RAB3B: variants seen among roughly 807,000 people sequenced by gnomAD.
RAB3B encodes ras-related protein Rab-3B.
RAB3B carries 11 observed loss-of-function variants against 20.5 expected under a neutral mutation model. The ratio of observed to expected loss-of-function variants is 0.54; its 90% CI spans 0.34 to 0.89. The LOEUF (loss-of-function observed/expected upper bound fraction) is 0.89. RAB3B is among the 40% of genes least tolerant of loss of function. The pLI, the probability that RAB3B is intolerant of heterozygous loss-of-function variation, is 0.02. For missense variants in RAB3B, 225 were observed against 280.9 expected (o/e 0.80, Z 1.42); for synonymous variants, 99 against 106.3 (o/e 0.93, Z 0.42).
At chr1:51,944,185 CT>C (rs377413670) in intron 2 of RAB3B, among the ~76,000 whole-genome samples, 103 of 152,312 alleles carry the variant, frequency 6.8e-4, no homozygotes, top group Middle Eastern at 6.8e-3. Context: ...TAAATCTACC[CT>C]GCCTGTGCTC....
At chr1:51,936,838 G>A (rs1684411062) in intron 3 of RAB3B, among the ~76,000 whole-genome samples, 1 of 150,168 alleles carries the variant, frequency 6.7e-6, no homozygotes, top group Non-Finnish European at 1.5e-5. Flanking sequence ...TTTTAAGATA[G>A]AGTCTCACTC....
intron 2 of RAB3B, among the ~76,000 whole-genome samples, chr1:51,972,709 G>A (rs1571977746): frequency 6.6e-6 from 1 of 152,128 alleles, no homozygotes; most frequent in Non-Finnish European, 1.5e-5. Context: ...CACAGAGTGG[G>A]AAGGCAGCCC....
At chr1:51,930,446 A>C (rs1334928762) in intron 4 of RAB3B, among the ~76,000 whole-genome samples, 1 of 152,234 alleles carries the variant, frequency 6.6e-6, no homozygotes, top group East Asian at 1.9e-4. Flanking sequence ...TTAGGAGCAC[A>C]GGCTCTGGGA....
intron 2 of RAB3B, 62 bp downstream of exon 2, chr1:51,976,828 C>A (rs1685015378): frequency 2.0e-6 from 3 of 1,465,286 alleles, no homozygotes; most frequent in Non-Finnish European, 2.9e-6. Flanking sequence ...CACCTCTAAG[C>A]CCTTGTACTG....
At chr1:51,967,521 C>CTTTTTGTTTTTTTTTTTT (rs1684870854) in intron 2 of RAB3B, among the ~76,000 whole-genome samples, 1 of 36,496 alleles carries the variant, frequency 2.7e-5, no homozygotes, top group Non-Finnish European at 5.7e-5. Flanking sequence ...TTTTCTTTTT[C>CTTTTTGTTTTTTTTTTTT]TTTTTTTTTT....
intron 1 of RAB3B, among the ~76,000 whole-genome samples, chr1:51,980,028 C>T (rs917186473): frequency 1.5e-4 from 23 of 151,838 alleles, no homozygotes; most frequent in Admixed American, 2.6e-4. Context: ...CGCGACAGAG[C>T]GAGACTCCAC....
At chr1:51,989,208 T>TTTTGTGTGTGTGTG (rs1318914367) in intron 1 of RAB3B, among the ~76,000 whole-genome samples, 1 of 99,822 alleles carries the variant, frequency 1.0e-5, no homozygotes, top group African/African-American at 4.3e-5. Flanking sequence ...CCATCTTGTT[T>TTTTGTGTGTGTGTG]TGTGTGTGTG....
At chr1:51,947,806 T>C (rs1475588122) in intron 2 of RAB3B, among the ~76,000 whole-genome samples, 1 of 152,102 alleles carries the variant, frequency 6.6e-6, no homozygotes, top group African/African-American at 2.4e-5. Flanking sequence ...AAGGAAACCT[T>C]AGAAGTCATT....
rs1009951302 is a variant in RAB3B at position 51,916,008 on chromosome 1, T to A, written c.*3919A>T. 4 of 152,270 alleles carry A rather than the reference T, an allele frequency of 2.6e-5. No individual in the cohort carries two copies. Among genetic ancestry groups the A allele is most frequent in the African/African-American group, 9.6e-5 (4 of 41,468 alleles). 9.4% of individuals were successfully genotyped at this position (152,270 alleles called of 1,614,324 possible). A position where few individuals can be genotyped will look rare whatever the true frequency, so the allele number is the denominator to read the frequency against. On this transcript the variant is annotated 3_prime_UTR_variant, in exon 5 of 5. Coordinates refer to ENST00000371655, the MANE Select transcript of RAB3B (RefSeq NM_002867.4). ...CGCCCAGCCAGAAGTCAAGAGTTTT[T>A]AAATATTTTATTTGGATTGTTGAGG...
intron 3 of RAB3B, among the ~76,000 whole-genome samples, chr1:51,937,048 G>A (rs1226071547): frequency 3.3e-5 from 5 of 151,960 alleles, no homozygotes; most frequent in Non-Finnish European, 5.9e-5. Context: ...TCCTGACCTC[G>A]GGTGATCTGG....
chr1:51,981,865 T>C (rs927780325), intron 1 of RAB3B, among the ~76,000 whole-genome samples: 2 of 152,236 alleles, frequency 1.3e-5, no homozygotes, highest in African/African-American at 4.8e-5. Flanking sequence ...TATAAAAGTA[T>C]AGCACATATG....
chr1:51,924,370 A>C (rs1341196999), intron 4 of RAB3B, among the ~76,000 whole-genome samples: 1 of 152,224 alleles, frequency 6.6e-6, no homozygotes, highest in Non-Finnish European at 1.5e-5. Context: ...CCTGGAGACC[A>C]GGGACGGTTT....
intron 3 of RAB3B, among the ~76,000 whole-genome samples, chr1:51,934,567 C>T (rs1007863144): frequency 1.3e-5 from 2 of 151,762 alleles, no homozygotes; most frequent in Non-Finnish European, 2.9e-5. Flanking sequence ...GTCAGGAGAT[C>T]GAGACCATCC....
At chr1:51,929,477 C>A (rs758171381) in intron 4 of RAB3B, among the ~76,000 whole-genome samples, 1 of 151,898 alleles carries the variant, frequency 6.6e-6, no homozygotes, top group Non-Finnish European at 1.5e-5. Flanking sequence ...ACATGCTCGG[C>A]TAATTTTTGT....
chr1:51,982,467 T>C (rs1685100194), intron 1 of RAB3B, among the ~76,000 whole-genome samples: 1 of 151,804 alleles, frequency 6.6e-6, no homozygotes, highest in African/African-American at 2.4e-5. Flanking sequence ...TATAAAAGAG[T>C]CTATGGCTGG....
At chr1:51,968,797 G>A (rs1474323890) in intron 2 of RAB3B, among the ~76,000 whole-genome samples, 1 of 152,184 alleles carries the variant, frequency 6.6e-6, no homozygotes, top group Non-Finnish European at 1.5e-5. Flanking sequence ...TGACTGATAA[G>A]CGAACCTTGC....
Position 51,912,554 on chromosome 1 carries a change from A to AAAAAAT in RAB3B, c.*7372_*7373insATTTTT, listed in dbSNP as rs1491223921. Reference sequence around the variant, plus strand: ...AGACCGTCTCTATTAAAAAAAAAAAAATATATATATATATATATATATATA... The same window carrying AAAAAAT: ...AGACCGTCTCTATTAAAAAAAAAAAAAAAAATATATATATATATATATATATATATA... On this transcript the variant is annotated 3_prime_UTR_variant, in exon 5 of 5. Transcript: ENST00000371655. 3.0e-3 allele frequency: 47 copies of AAAAAAT among 15,488 alleles called. 1 individual carries two copies. Among genetic ancestry groups the AAAAAAT allele is most frequent in the Non-Finnish European group, 6.5e-3 (44 of 6,818 alleles). 1.0% of individuals were successfully genotyped at this position (15,488 alleles called of 1,614,324 possible).
At chr1:51,921,250 T>C (rs559123505) in intron 4 of RAB3B, among the ~76,000 whole-genome samples, 1 of 152,312 alleles carries the variant, frequency 6.6e-6, no homozygotes, top group South Asian at 2.1e-4. Context: ...CATTTTCTCC[T>C]TGGGATTCCT....
intron 4 of RAB3B, among the ~76,000 whole-genome samples, chr1:51,922,948 C>T (rs1438078403): frequency 2.0e-5 from 3 of 152,168 alleles, no homozygotes; most frequent in Admixed American, 6.5e-5. Flanking sequence ...CTGCCCGCCT[C>T]GGTCTCCCAA....
Sources: gnomAD v4.1 joint callset for allele counts (sites outside exome capture counted in the v4.1 genomes callset) on GRCh38, gnomAD v4.1.1 for gene constraint, MANE v1.5 for transcripts, NCBI Gene and HGNC (gene_info 2026-07-23, HGNC 2026-07-21) for gene names.